Variants in ARMH3 observed in about 807,000 individuals in gnomAD.
The protein encoded by ARMH3 is armadillo like helical domain containing 3.
In ARMH3, 60 loss-of-function variants were observed where a neutral mutation model predicts 99.1. The ratio of observed to expected loss-of-function variants is 0.61; its 90% CI spans 0.49 to 0.75. The LOEUF (loss-of-function observed/expected upper bound fraction) is 0.75, where lower values mean the gene tolerates loss of function less well. Among genes scored for constraint, ARMH3 ranks in the 30% least tolerant of loss-of-function variants. The probability of loss-of-function intolerance (pLI) is 0.00; values close to 1 mark genes in which losing one functional copy is unlikely to be tolerated. For missense variants in ARMH3, 679 were observed against 843.1 expected, an observed-to-expected ratio of 0.81 and a Z score of 2.41; for synonymous variants, 285 against 292.8, an observed-to-expected ratio of 0.97 and a Z score of 0.27.
intron 24 of ARMH3, among the ~76,000 whole-genome samples, chr10:101,854,693 T>C (rs1257416394): frequency 6.6e-6 from 1 of 152,092 alleles, no homozygotes; most frequent in Non-Finnish European, 1.5e-5. Context: ...ATCAAGAACA[T>C]AGGATTGAGG....
intron 23 of ARMH3, among the ~76,000 whole-genome samples, chr10:101,928,728 G>GTTTGTT (rs1003623785): frequency 2.0e-5 from 3 of 152,062 alleles, no homozygotes; most frequent in Admixed American, 1.3e-4. Flanking sequence ...TGTTGTTGTT[G>GTTTGTT]TTTGTTTTTG....
intron 19 of ARMH3, among the ~76,000 whole-genome samples, chr10:101,985,783 G>A (rs1210876851): frequency 2.0e-5 from 3 of 152,048 alleles, no homozygotes; most frequent in Admixed American, 6.6e-5. Context: ...TTGGGAGGCC[G>A]AGGTGGATGG....
chr10:101,962,894 T>A (rs79878824), intron 20 of ARMH3, among the ~76,000 whole-genome samples: 7 of 152,076 alleles, frequency 4.6e-5, no homozygotes, highest in African/African-American at 1.7e-4. Flanking sequence ...TTGATCACAA[T>A]TCCACTGATT....
intron 22 of ARMH3, among the ~76,000 whole-genome samples, chr10:101,952,985 G>C (rs565590228): frequency 2.0e-5 from 3 of 152,264 alleles, no homozygotes; most frequent in African/African-American, 7.2e-5. Context: ...CATGTAACAG[G>C]ACTTCTTTCC....
At chr10:101,899,915 T>C (rs2067933853) in intron 23 of ARMH3, among the ~76,000 whole-genome samples, 1 of 152,162 alleles carries the variant, frequency 6.6e-6, no homozygotes, top group Non-Finnish European at 1.5e-5. Flanking sequence ...TACTGACCAG[T>C]GCATCTAGTT....
intron 1 of ARMH3, among the ~76,000 whole-genome samples, chr10:102,055,020 C>T (rs1358615686): frequency 7.0e-6 from 1 of 142,104 alleles, no homozygotes; most frequent in Non-Finnish European, 1.5e-5. Flanking sequence ...ACAAAACAAA[C>T]AAACAAACAA....
chr10:101,950,830 T>C (rs961412637), intron 22 of ARMH3, among the ~76,000 whole-genome samples: 1 of 152,204 alleles, frequency 6.6e-6, no homozygotes, highest in African/African-American at 2.4e-5. Context: ...CACTCATGGG[T>C]AGGTTTCCTG....
intron 20 of ARMH3, among the ~76,000 whole-genome samples, chr10:101,959,574 C>T (rs1318035083): frequency 2.0e-5 from 3 of 152,146 alleles, no homozygotes; most frequent in Non-Finnish European, 4.4e-5. Context: ...GGGCAGGAAA[C>T]CTGGAGGAAA....
intron 23 of ARMH3, among the ~76,000 whole-genome samples, chr10:101,934,022 G>T (rs1843839816): frequency 6.6e-6 from 1 of 152,198 alleles, no homozygotes; most frequent in East Asian, 1.9e-4. Context: ...AAAGGAAGTT[G>T]GGGAGACCTC....
rs77310257 is a variant in ARMH3 at position 101,878,834 on chromosome 10, TA to T, written c.1860+10577del. On this transcript the variant is annotated intron_variant, in intron 24 of 25. Transcript: ENST00000370033. ...AGAACAAGACCTTGTCTCTAAAAAT[TA>T]AAAAAAAAAAAAATTAAGTCATCAC... 6.5e-3 allele frequency among the ~76,000 whole-genome samples: 918 copies of T among 142,022 alleles called. 5 individuals carry two copies. Among genetic ancestry groups the T allele is most frequent in the African/African-American group, 0.018 (709 of 38,944 alleles). The allele number at this position is 142,022 out of a possible 152,430, so 93.2% of individuals were successfully genotyped here. A position where few individuals can be genotyped will look rare whatever the true frequency, so the allele number is the denominator to read the frequency against.
intron 20 of ARMH3, among the ~76,000 whole-genome samples, chr10:101,968,343 C>A (rs1450598413): frequency 6.6e-6 from 1 of 151,980 alleles, no homozygotes; most frequent in East Asian, 1.9e-4. Flanking sequence ...TCAATGAGAC[C>A]ATGTCTCAGT....
chr10:102,020,968 T>C (rs1455656048), intron 8 of ARMH3, among the ~76,000 whole-genome samples: 1 of 152,086 alleles, frequency 6.6e-6, no homozygotes, highest in African/African-American at 2.4e-5. Context: ...CCATTCATAG[T>C]AAGTGCCCTA....
intron 24 of ARMH3, among the ~76,000 whole-genome samples, chr10:101,886,126 G>C (rs1222696236): frequency 6.7e-6 from 1 of 150,334 alleles, no homozygotes; most frequent in Non-Finnish European, 1.5e-5. Flanking sequence ...AAAAAAAAAA[G>C]AGGTAAAAAT....
chr10:101,993,248 G>A (rs549086949), intron 17 of ARMH3, among the ~76,000 whole-genome samples: 51 of 150,944 alleles, frequency 3.4e-4, no homozygotes, highest in Non-Finnish European at 5.2e-4. Flanking sequence ...TCCAGCCTGG[G>A]GGGGAGAGAG....
intron 24 of ARMH3, among the ~76,000 whole-genome samples, chr10:101,865,231 A>C (rs577668850): frequency 6.6e-6 from 1 of 151,732 alleles, no homozygotes; most frequent in East Asian, 1.9e-4. Flanking sequence ...AAAAAAACAA[A>C]AACAAACAAA....
intron 22 of ARMH3, among the ~76,000 whole-genome samples, chr10:101,947,787 C>T (rs1326957511): frequency 2.8e-5 from 4 of 144,360 alleles, no homozygotes; most frequent in African/African-American, 5.4e-5. Flanking sequence ...GCAACAAGAG[C>T]GAAACTCAAA....
intron 10 of ARMH3, 85 bp from the exon 11 acceptor site, chr10:102,011,868 C>A: frequency 9.1e-7 from 1 of 1,101,414 alleles, no homozygotes; most frequent in South Asian, 1.5e-5. Flanking sequence ...CAGGGCAGAG[C>A]ACTCTTAAAA....
At chr10:102,033,457 G>A (rs1054713533) in intron 2 of ARMH3, 118 bp from the exon 3 acceptor site, 47 of 1,130,836 alleles carry the variant, frequency 4.2e-5, no homozygotes, top group South Asian at 6.6e-5. Context: ...TCTCGCTGTC[G>A]CCCAGGCTGG....
chr10:101,923,277 A>AT (rs1346728642), intron 23 of ARMH3, among the ~76,000 whole-genome samples: 1 of 152,218 alleles, frequency 6.6e-6, no homozygotes, highest in Admixed American at 6.5e-5. Context: ...ATGTAACACT[A>AT]TATTTATAAT....
Sources: allele counts gnomAD v4.1 joint callset (sites outside exome capture counted in the v4.1 genomes callset), GRCh38; gene constraint gnomAD v4.1.1; transcripts MANE v1.5; gene names NCBI Gene and HGNC (gene_info 2026-07-23, HGNC 2026-07-21).